REDIC1: variants seen among roughly 807,000 people sequenced by gnomAD.
The protein encoded by REDIC1 is regulator of DNA class I crossover intermediates 1.
chr12:39,640,103 T>G, the REDIC1 span, among the ~76,000 whole-genome samples: 2 of 151,594 alleles, frequency 1.3e-5, no homozygotes, highest in African/African-American at 4.8e-5. Flanking sequence ...TCAATTTTTG[T>G]CTTTCCCCCA....
chr12:39,882,992 G>A, the REDIC1 span, among the ~76,000 whole-genome samples: 10,724 of 151,972 alleles, frequency 0.071, 800 homozygotes, highest in African/African-American at 0.19. Flanking sequence ...TTTTTTAGGC[G>A]CTTAGTGTTT....
At chr12:39,903,780 G>C in the REDIC1 span, among the ~76,000 whole-genome samples, 59 of 152,126 alleles carry the variant, frequency 3.9e-4, no homozygotes, top group African/African-American at 1.3e-3. Context: ...TCAGTTATGA[G>C]AATCAAATAA....
chr12:39,890,957 A>G, the REDIC1 span, among the ~76,000 whole-genome samples: 14 of 152,140 alleles, frequency 9.2e-5, no homozygotes, highest in Admixed American at 9.2e-4. Flanking sequence ...ACATGATGCA[A>G]AGTGAAATGT....
At chr12:39,764,511 C>T in the REDIC1 span, 54 of 1,610,878 alleles carry the variant, frequency 3.4e-5, no homozygotes, top group East Asian at 1.1e-3. Flanking sequence ...GAAACCAGGA[C>T]ATTGAAAATC....
chr12:39,806,167 A>G, the REDIC1 span, among the ~76,000 whole-genome samples: 1 of 152,212 alleles, frequency 6.6e-6, no homozygotes, highest in South Asian at 2.1e-4. Context: ...ACTAAAAATT[A>G]AGAAAAAAAT....
chr12:39,675,238 C>G, the REDIC1 span, among the ~76,000 whole-genome samples: 1 of 152,126 alleles, frequency 6.6e-6, no homozygotes, highest in African/African-American at 2.4e-5. Context: ...TGAGAACCAC[C>G]CCCATCCCCC....
At chr12:39,702,855 G>A in the REDIC1 span, among the ~76,000 whole-genome samples, 1 of 152,208 alleles carries the variant, frequency 6.6e-6, no homozygotes, top group African/African-American at 2.4e-5. Context: ...CTCAATAGAT[G>A]CAGAAAAGTC....
the REDIC1 span, among the ~76,000 whole-genome samples, chr12:39,704,424 A>T: frequency 6.6e-6 from 1 of 152,168 alleles, no homozygotes; most frequent in African/African-American, 2.4e-5. Flanking sequence ...AGGAAACAAC[A>T]GGTGCTGGAG....
the REDIC1 span, among the ~76,000 whole-genome samples, chr12:39,777,264 T>C: frequency 6.6e-6 from 1 of 152,160 alleles, no homozygotes; most frequent in African/African-American, 2.4e-5. Context: ...GGCAGGGAAA[T>C]AGTCAATTGA....
chr12:39,793,765 A>G, the REDIC1 span, among the ~76,000 whole-genome samples: 1 of 152,118 alleles, frequency 6.6e-6, no homozygotes, highest in Non-Finnish European at 1.5e-5. Flanking sequence ...CTTCATAGGA[A>G]TCCCTCCCAT....
the REDIC1 span, among the ~76,000 whole-genome samples, chr12:39,750,771 A>G: frequency 6.6e-6 from 1 of 152,154 alleles, no homozygotes; most frequent in African/African-American, 2.4e-5. Flanking sequence ...ATCTACAACC[A>G]TCTGATCTTT....
chr12:39,766,389 C>T, the REDIC1 span, among the ~76,000 whole-genome samples: 2 of 151,998 alleles, frequency 1.3e-5, no homozygotes, highest in Admixed American at 6.6e-5. Flanking sequence ...ATGTACAAAC[C>T]TTAATTTTAA....
the REDIC1 span, among the ~76,000 whole-genome samples, chr12:39,735,234 G>A: frequency 6.6e-6 from 1 of 152,150 alleles, no homozygotes; most frequent in African/African-American, 2.4e-5. Flanking sequence ...AGGTCTAAGG[G>A]CCTTGAAGAG....
chr12:39,711,905 A>C, the REDIC1 span, among the ~76,000 whole-genome samples: 1 of 134,962 alleles, frequency 7.4e-6, no homozygotes, highest in African/African-American at 2.7e-5. Flanking sequence ...ACACGTATAC[A>C]CATGTATATA....
At chr12:39,708,253 T>C in the REDIC1 span, among the ~76,000 whole-genome samples, 1 of 151,838 alleles carries the variant, frequency 6.6e-6, no homozygotes, top group African/African-American at 2.4e-5. Flanking sequence ...TATCCTTGTA[T>C]CAAAACATCT....
chr12:39,678,643 A>C, the REDIC1 span, among the ~76,000 whole-genome samples: 1 of 150,650 alleles, frequency 6.6e-6, no homozygotes, highest in Non-Finnish European at 1.5e-5. Flanking sequence ...AAAAAAAAAA[A>C]AAAAAAGGAA....
chr12:39,817,477 G>T, the REDIC1 span, among the ~76,000 whole-genome samples: 10 of 148,830 alleles, frequency 6.7e-5, no homozygotes, highest in Non-Finnish European at 1.4e-4. Context: ...TCCTTATTTA[G>T]TGCAGAGAGA....
At chr12:39,786,796 C>T in the REDIC1 span, among the ~76,000 whole-genome samples, 4 of 152,172 alleles carry the variant, frequency 2.6e-5, no homozygotes, top group Non-Finnish European at 5.9e-5. Flanking sequence ...TAAATCCCCT[C>T]TCTCCTGTAA....
chr12:39,797,745 C>CACAG, the REDIC1 span, among the ~76,000 whole-genome samples: 1 of 144,134 alleles, frequency 6.9e-6, no homozygotes, highest in Admixed American at 7.0e-5. Context: ...CACACACACA[C>CACAG]ACACACACAC....
Sources: gnomAD v4.1 joint callset for allele counts (sites outside exome capture counted in the v4.1 genomes callset) on GRCh38, gnomAD v4.1.1 for gene constraint, MANE v1.5 for transcripts, NCBI Gene and HGNC (gene_info 2026-07-23, HGNC 2026-07-21) for gene names.